Variants in CNNM2 observed in about 807,000 individuals in gnomAD.
CNNM2 encodes the protein metal transporter CNNM2.
In CNNM2, 12 loss-of-function variants were observed where a neutral mutation model predicts 66.9. The observed-to-expected ratio is 0.18, with a 90% CI of 0.11 to 0.29. The LOEUF is 0.29. Ranked by LOEUF, CNNM2 falls within the 10% of genes least tolerant of loss-of-function variation. The pLI is 1.00. For synonymous variants in CNNM2, 557 were observed against 501.8 expected (o/e 1.11, Z -1.47); for missense variants, 705 against 1,167.7 (o/e 0.60, Z 5.77).
rs528165291 is a variant in CNNM2, at chr10:103,069,332, A to G, written c.2167+610A>G. Among the ~76,000 whole-genome samples, 5 of 152,070 alleles carry G rather than the reference A, an allele frequency of 3.3e-5. No individual in the cohort carries two copies. In the South Asian group the frequency reaches 1.0e-3, roughly 32 times the overall value. ...GTGTGTCCATTTCTGCTGGGTGCGC[A>G]CCTGGGACTGGCGCTACGTGTCAGA... On this transcript the variant is annotated intron_variant, in intron 5 of 7. Transcript: ENST00000369878.
chr10:103,010,528 C>A (rs1455896267), intron 1 of CNNM2, among the ~76,000 whole-genome samples: 1 of 152,098 alleles, frequency 6.6e-6, no homozygotes, highest in Non-Finnish European at 1.5e-5. Context: ...CTGTACCTGG[C>A]CTCATTTTTG....
At chr10:103,031,982 T>TG (rs1297529077) in intron 1 of CNNM2, among the ~76,000 whole-genome samples, 5 of 152,190 alleles carry the variant, frequency 3.3e-5, no homozygotes, top group Non-Finnish European at 7.3e-5. Flanking sequence ...CCTGCACTGA[T>TG]GCACGAGCAT....
At chr10:102,935,218 C>T (rs143395327) in intron 1 of CNNM2, among the ~76,000 whole-genome samples, 342 of 149,750 alleles carry the variant, frequency 2.3e-3, no homozygotes, top group African/African-American at 7.9e-3. Context: ...GTAATCCTAG[C>T]GCTAACTTTG....
intron 1 of CNNM2, among the ~76,000 whole-genome samples, chr10:102,943,384 C>A (rs1846496810): frequency 6.6e-6 from 1 of 151,866 alleles, no homozygotes. Context: ...ACATTATGAT[C>A]TCACCTCTGA....
In CNNM2 at chr10:102,918,725, C is replaced by T; in HGVS notation, c.245C>T (p.Thr82Met). ...ATCATCGGGCTGCGACTGGAGGACACGAACGACGTGTCGTTCATGGAAGGG... is the reference window on the plus strand; with the variant it reads ...ATCATCGGGCTGCGACTGGAGGACATGAACGACGTGTCGTTCATGGAAGGG... The part of the protein sequence containing the change: ...TVIIGLRLED[T>M]NDVSFMEGGA... Residue 82 changes from threonine to methionine, a missense_variant, in exon 1 of 8, where the codon ACG (threonine) becomes ATG (methionine). Physicochemically the swap from Thr to Met is moderately conservative, Grantham distance 81. This residue lies in a region of CNNM2 where 37 missense variants were observed against 58.5 expected (regional missense o/e 0.63). Transcript: ENST00000369878. The surrounding 1 kb of genome is among the most constrained non-coding windows in gnomAD (Gnocchi z 4.1). The T allele has an allele frequency of 6.3e-7, 1 of 1,575,076 alleles. No homozygotes were observed. Among genetic ancestry groups the T allele is most frequent in the Non-Finnish European group, 8.6e-7 (1 of 1,161,110 alleles).
At position 103,068,815 on chromosome 10, in the gene CNNM2, C is replaced by T. The variant is rs186356654; in HGVS notation, c.2167+93C>T. 34 of 991,338 alleles carry T rather than the reference C, an allele frequency of 3.4e-5. No homozygotes were observed. In the East Asian group the frequency reaches 6.3e-4, roughly 18 times the overall value. 61.4% of individuals were successfully genotyped at this position (991,338 alleles called of 1,614,324 possible). A position where few individuals can be genotyped will look rare whatever the true frequency, so the allele number is the denominator to read the frequency against. ...CTTGCTTTCTGTATCTGCCAGCTGACCCCATTCACTTCCTTTTTGAACTTT... is the reference window on the plus strand; with the variant it reads ...CTTGCTTTCTGTATCTGCCAGCTGATCCCATTCACTTCCTTTTTGAACTTT... On this transcript the variant is annotated intron_variant, in intron 5 of 7. Transcript: ENST00000369878.
chr10:103,042,606 A>G (rs2065061732), intron 1 of CNNM2, among the ~76,000 whole-genome samples: 1 of 152,208 alleles, frequency 6.6e-6, no homozygotes, highest in Non-Finnish European at 1.5e-5. Flanking sequence ...CAGTCAGCAG[A>G]TATTTATGGA....
Position 102,918,735 on chromosome 10 carries a change from G to T in CNNM2, c.255G>T (p.Val85=), listed in dbSNP as rs747258788. 5 of 1,582,292 alleles carry T rather than the reference G, an allele frequency of 3.2e-6. No individual in the cohort carries two copies. In the African/African-American group the frequency reaches 5.4e-5, roughly 17 times the overall value. Residue 85 remains valine, a synonymous_variant, in exon 1 of 8, where the codon GTG becomes GTT. Coordinates refer to ENST00000369878, the MANE Select transcript of CNNM2 (RefSeq NM_017649.5). The surrounding 1 kb of genome is among the most constrained non-coding windows in gnomAD (Gnocchi z 4.1). The part of the protein sequence containing the change: ...IGLRLEDTND[V]SFMEGGALRV... ...TGCGACTGGAGGACACGAACGACGTGTCGTTCATGGAAGGGGGGGCGCTGC... is the reference window on the plus strand; with the variant it reads ...TGCGACTGGAGGACACGAACGACGTTTCGTTCATGGAAGGGGGGGCGCTGC...
intron 4 of CNNM2, among the ~76,000 whole-genome samples, chr10:103,062,912 G>C (rs2065412351): frequency 1.3e-5 from 2 of 152,188 alleles, no homozygotes; most frequent in Admixed American, 6.5e-5. Flanking sequence ...GGGTCTTGTT[G>C]AACGGCAGAT....
In CNNM2 at chr10:102,918,586, C is replaced by A; in HGVS notation, c.106C>A (p.Arg36Ser). 2 of 1,571,168 alleles carry A rather than the reference C, an allele frequency of 1.3e-6. No individual in the cohort carries two copies. The highest frequency in any genetic ancestry group is 1.7e-6 in the Non-Finnish European group (2 of 1,162,474). Residue 36 changes from arginine (R) to serine (S), a missense_variant, in exon 1 of 8, where the codon CGC becomes AGC. By Grantham distance (110) the Arg-to-Ser change is moderately radical. Around this residue, in one of 9 missense-constraint regions of CNNM2, gnomAD observed 98 missense variants for 73.6 expected, o/e 1.33. Transcript: ENST00000369878. The surrounding 1 kb of genome is among the most constrained non-coding windows in gnomAD (Gnocchi z 4.1). Reference sequence around the variant, plus strand: ...GGCGGCGCGCCGCAGCCTCAGCGCTCGCGGCCGGGGGATCCTGCAGGCGGC... The same window carrying A: ...GGCGGCGCGCCGCAGCCTCAGCGCTAGCGGCCGGGGGATCCTGCAGGCGGC... Reference protein sequence around the residue: ...KMAARRSLSARGRGILQAAAG... With the variant: ...KMAARRSLSASGRGILQAAAG...
intron 1 of CNNM2, among the ~76,000 whole-genome samples, chr10:102,958,164 G>A (rs181999450): frequency 2.6e-5 from 4 of 152,186 alleles, no homozygotes; most frequent in Admixed American, 1.3e-4. Flanking sequence ...TCGAACTCCC[G>A]ACCTCAGGTG....
chr10:103,081,084 G>A lies in CNNM2; in HGVS notation c.*3904G>A, dbSNP rs2065753805. On this transcript the variant is annotated 3_prime_UTR_variant, in exon 8 of 8. Transcript: ENST00000369878. ...GACTCACCCGGGCTGGCACAGGAAG[G>A]TGCTCACCTTGTTCTCTGGGGCTCC... 6.6e-6 allele frequency: 1 copy of A among 152,350 alleles called. No individual in the cohort carries two copies. The highest frequency in any genetic ancestry group is 1.5e-5 in the Non-Finnish European group (1 of 68,060). The allele number at this position is 152,350 out of a possible 1,614,324, so 9.4% of individuals were successfully genotyped here.
rs2065800654 is a variant in CNNM2, at chr10:103,085,839, TGTG to T, written c.*8661_*8663del. ...CCTTTGTTGGAATGAATCAGACTGT[TGTG>T]GCCTTGGGATGAAGACATTGTGTGT... On this transcript the variant is annotated 3_prime_UTR_variant, in exon 8 of 8. Transcript: ENST00000369878. 6.6e-6 allele frequency: 1 copy of T among 152,184 alleles called. No homozygotes were observed. Among genetic ancestry groups the T allele is most frequent in the African/African-American group, 2.4e-5 (1 of 41,426 alleles). 9.4% of individuals were successfully genotyped at this position (152,184 alleles called of 1,614,324 possible).
At chr10:102,956,250 T>C (rs1564819981) in intron 1 of CNNM2, among the ~76,000 whole-genome samples, 1 of 144,906 alleles carries the variant, frequency 6.9e-6, no homozygotes, top group Admixed American at 7.2e-5. Flanking sequence ...ATCGCGCCAC[T>C]TCACTCCAGC....
chr10:103,051,060 G>A (rs746778285), intron 2 of CNNM2, among the ~76,000 whole-genome samples: 6 of 152,146 alleles, frequency 3.9e-5, no homozygotes, highest in Non-Finnish European at 7.4e-5. Context: ...GCTTGGCGGA[G>A]GGGAAATGGA....
chr10:102,980,728 G>T (rs1447045073), intron 1 of CNNM2, among the ~76,000 whole-genome samples: 1 of 152,160 alleles, frequency 6.6e-6, no homozygotes, highest in Non-Finnish European at 1.5e-5. Flanking sequence ...CTTCCTTAGA[G>T]AAATGTTCCC....
At position 103,045,761 on chromosome 10, in the gene CNNM2, T is replaced by C. The variant is rs1370066984; in HGVS notation, c.1622-3946T>C. ...ACCAATATTGTTGTTTGAGAGATGC[T>C]GTTACTATTTTAAAAGATCTTTGAG... On this transcript the variant is annotated intron_variant, in intron 1 of 7. Transcript: ENST00000369878. 2.0e-5 allele frequency among the ~76,000 whole-genome samples: 3 copies of C among 152,230 alleles called. No individual in the cohort carries two copies. In the East Asian group the frequency reaches 5.8e-4, roughly 29 times the overall value.
chr10:102,938,644 A>G (rs1444988509), intron 1 of CNNM2, among the ~76,000 whole-genome samples: 1 of 134,944 alleles, frequency 7.4e-6, no homozygotes, highest in African/African-American at 2.8e-5. Flanking sequence ...AAAAAAAAAA[A>G]GACAACGCCT....
rs1590523004 is a variant in CNNM2, at chr10:103,082,506, C to T, written c.*5326C>T. On this transcript the variant is annotated 3_prime_UTR_variant, in exon 8 of 8. Transcript: ENST00000369878. ...GTTATCAATTTTTTCTTGTTTGAGT[C>T]CTTTAAACCCACAAATGTATATGCT... The T allele has an allele frequency of 6.6e-6, 1 of 152,268 alleles. No homozygotes were observed. The highest frequency in any genetic ancestry group is 1.9e-4 in the East Asian group (1 of 5,188). 9.4% of individuals were successfully genotyped at this position (152,268 alleles called of 1,614,324 possible). A position where few individuals can be genotyped will look rare whatever the true frequency, so the allele number is the denominator to read the frequency against.
Sources: allele counts gnomAD v4.1 joint callset (sites outside exome capture counted in the v4.1 genomes callset), GRCh38; gene constraint gnomAD v4.1.1; regional missense constraint gnomAD v4.1.1; non-coding constraint Gnocchi (gnomAD v3.1); transcripts MANE v1.5; gene names NCBI Gene and HGNC (gene_info 2026-07-23, HGNC 2026-07-21).